Variants in EPC2 observed in about 807,000 individuals in gnomAD.
EPC2 encodes enhancer of polycomb 2.
A neutral mutation model predicts 92.1 loss-of-function variants in EPC2; 14 were observed. The ratio of observed to expected loss-of-function variants is 0.15; its 90% CI spans 0.10 to 0.24. EPC2 has a LOEUF of 0.24. Among genes scored for constraint, EPC2 ranks in the 10% least tolerant of loss-of-function variants. EPC2 has a pLI of 1.00. For missense variants in EPC2, 755 were observed against 971.5 expected (o/e 0.78, Z 2.96); for synonymous variants, 340 against 334.7 (o/e 1.02, Z -0.17).
chr2:148,681,714 GTTTC>G (rs1219880794), intron 1 of EPC2, among the ~76,000 whole-genome samples: 67 of 152,046 alleles, frequency 4.4e-4, no homozygotes, highest in South Asian at 1.0e-3. Context: ...TTGTTTGTTT[GTTTC>G]TTTCTTTCTT....
intron 10 of EPC2, among the ~76,000 whole-genome samples, chr2:148,774,621 AT>A (rs1558837001): frequency 9.1e-6 from 1 of 110,462 alleles, no homozygotes; most frequent in Non-Finnish European, 1.9e-5. Context: ...AAAAAAATAT[AT>A]TTTATATATA....
intron 13 of EPC2, 47 bp from the exon 14 acceptor site, chr2:148,786,258 T>C (rs1683864226): frequency 1.4e-6 from 2 of 1,420,856 alleles, no homozygotes; most frequent in East Asian, 4.6e-5. Flanking sequence ...AACGTCATGT[T>C]CTAGAGAGTA....
At chr2:148,695,623 A>G (rs1179238649) in intron 2 of EPC2, among the ~76,000 whole-genome samples, 1 of 152,226 alleles carries the variant, frequency 6.6e-6, no homozygotes, top group African/African-American at 2.4e-5. Context: ...AAAAATGATA[A>G]TTGACCTGTT....
intron 1 of EPC2, among the ~76,000 whole-genome samples, chr2:148,662,333 T>G (rs920816135): frequency 6.6e-6 from 1 of 152,158 alleles, no homozygotes; most frequent in African/African-American, 2.4e-5. Context: ...ACCCAAAGGA[T>G]TATAAATCAT....
intron 1 of EPC2, among the ~76,000 whole-genome samples, chr2:148,667,265 G>A (rs1681074038): frequency 6.6e-6 from 1 of 152,168 alleles, no homozygotes; most frequent in South Asian, 2.1e-4. Flanking sequence ...GGGTCACATA[G>A]CAACTGAGTC....
chr2:148,761,155 C>G (rs899331010), intron 4 of EPC2, among the ~76,000 whole-genome samples: 2 of 152,212 alleles, frequency 1.3e-5, no homozygotes, highest in African/African-American at 2.4e-5. Flanking sequence ...AAACAGTGTT[C>G]TGAAATTCAG....
At chr2:148,778,736 A>G (rs1299629772) in intron 10 of EPC2, among the ~76,000 whole-genome samples, 5 of 152,174 alleles carry the variant, frequency 3.3e-5, no homozygotes, top group Non-Finnish European at 5.9e-5. Flanking sequence ...AAAGTTTTGA[A>G]GTAATAATAA....
intron 2 of EPC2, among the ~76,000 whole-genome samples, chr2:148,701,907 A>G (rs531723332): frequency 6.6e-6 from 1 of 152,190 alleles, no homozygotes; most frequent in South Asian, 2.1e-4. Context: ...TTATAGATCT[A>G]TATAGATTTT....
intron 10 of EPC2, among the ~76,000 whole-genome samples, chr2:148,777,240 A>G (rs1683665261): frequency 6.6e-6 from 1 of 152,144 alleles, no homozygotes; most frequent in Non-Finnish European, 1.5e-5. Flanking sequence ...ATGAAGAAAT[A>G]CTAGATGATG....
At chr2:148,698,493 C>T (rs1264122859) in intron 2 of EPC2, among the ~76,000 whole-genome samples, 6 of 151,528 alleles carry the variant, frequency 4.0e-5, no homozygotes, top group African/African-American at 7.3e-5. Flanking sequence ...AAAATTAGCC[C>T]GGTGTGGTGG....
intron 1 of EPC2, among the ~76,000 whole-genome samples, chr2:148,678,031 T>A (rs1681307301): frequency 6.6e-6 from 1 of 152,182 alleles, no homozygotes; most frequent in Admixed American, 6.5e-5. Context: ...GCTTTTATTC[T>A]CTTATCTGGC....
At chr2:148,762,837 G>T (rs1683329679) in intron 6 of EPC2, 35 bp downstream of exon 6, 1 of 1,565,624 alleles carries the variant, frequency 6.4e-7, no homozygotes, top group Non-Finnish European at 8.6e-7. Context: ...TGTATGGATG[G>T]TAATGTTGAT....
chr2:148,774,433 C>A (rs953505359), intron 10 of EPC2, among the ~76,000 whole-genome samples: 2 of 150,998 alleles, frequency 1.3e-5, no homozygotes, highest in African/African-American at 4.9e-5. Context: ...TCGAGACCAG[C>A]CTGGGCAACA....
intron 2 of EPC2, among the ~76,000 whole-genome samples, chr2:148,697,319 T>G (rs1387305867): frequency 6.6e-6 from 1 of 152,312 alleles, no homozygotes; most frequent in Admixed American, 6.5e-5. Flanking sequence ...ATTCTTTTTT[T>G]TTTTTCAATG....
intron 4 of EPC2, among the ~76,000 whole-genome samples, chr2:148,760,610 T>G (rs1039673020): frequency 6.6e-6 from 1 of 152,220 alleles, no homozygotes; most frequent in African/African-American, 2.4e-5. Context: ...AACATATGCT[T>G]TAGATTTACC....
chr2:148,762,574 G>T, intron 5 of EPC2, 96 bp from the exon 6 acceptor site: 4 of 819,268 alleles, frequency 4.9e-6, no homozygotes, highest in South Asian at 2.7e-5. Context: ...AGCCCTTTTT[G>T]ACTAGGTGAC....
At chr2:148,655,149 G>A (rs1680765016) in intron 1 of EPC2, among the ~76,000 whole-genome samples, 1 of 152,042 alleles carries the variant, frequency 6.6e-6, no homozygotes, top group Non-Finnish European at 1.5e-5. Flanking sequence ...TGTATGAGAC[G>A]GTCACTGGCA....
At chr2:148,772,691 T>C (rs1011814018) in intron 10 of EPC2, among the ~76,000 whole-genome samples, 10 of 152,170 alleles carry the variant, frequency 6.6e-5, no homozygotes, top group Non-Finnish European at 1.0e-4. Context: ...GGCCTCCCAT[T>C]ATATAAAGTT....
chr2:148,755,839 G>A (rs1373829662), intron 4 of EPC2, among the ~76,000 whole-genome samples: 4 of 152,098 alleles, frequency 2.6e-5, no homozygotes, highest in Admixed American at 6.6e-5. Flanking sequence ...CTGTCCTCCC[G>A]CCTTGGCCTC....
Sources: gnomAD v4.1 joint callset for allele counts (sites outside exome capture counted in the v4.1 genomes callset) on GRCh38, gnomAD v4.1.1 for gene constraint, MANE v1.5 for transcripts, NCBI Gene and HGNC (gene_info 2026-07-23, HGNC 2026-07-21) for gene names.